Variants in VWC2L observed in about 807,000 individuals in gnomAD.
VWC2L encodes von Willebrand factor C domain containing 2 like.
VWC2L carries 10 observed loss-of-function variants against 21.6 expected under a neutral mutation model. The observed-to-expected ratio is 0.46, with a 90% CI of 0.29 to 0.78. The LOEUF (loss-of-function observed/expected upper bound fraction) is 0.78, where lower values mean the gene tolerates loss of function less well. Ranked by LOEUF, VWC2L falls within the 30% of genes least tolerant of loss-of-function variation. VWC2L has a pLI of 0.10. For missense variants in VWC2L, 209 were observed against 277.1 expected (o/e 0.75, Z 1.74); for synonymous variants, 96 against 94.3 (o/e 1.02, Z -0.10).
At chr2:214,480,431 GCTCT>G (rs1280559039) in intron 3 of VWC2L, among the ~76,000 whole-genome samples, 1 of 152,158 alleles carries the variant, frequency 6.6e-6, no homozygotes, top group African/African-American at 2.4e-5. Flanking sequence ...ATTCAGAATG[GCTCT>G]CTAATTGTAA....
At chr2:214,497,558 T>C (rs772372218) in intron 3 of VWC2L, among the ~76,000 whole-genome samples, 1 of 152,248 alleles carries the variant, frequency 6.6e-6, no homozygotes, top group Non-Finnish European at 1.5e-5. Flanking sequence ...ATTTATTCAC[T>C]GTCTTCTAAT....
chr2:214,563,546 C>CAAAAAAAAAAAAAAAAAAA lies in VWC2L; in HGVS notation c.521-12109_521-12091dup, dbSNP rs55864016. ...TGGGTGACACAGCAAGACTCCGTCT[C>CAAAAAAAAAAAAAAAAAAA]AAAAAAAAAAAAAAAAAAAAAAAAA... On this transcript the variant is annotated intron_variant, in intron 3 of 3. Transcript: ENST00000312504. Among the ~76,000 whole-genome samples the CAAAAAAAAAAAAAAAAAAA allele has an allele frequency of 1.3e-3, 128 of 95,834 alleles. 4 individuals are homozygous for CAAAAAAAAAAAAAAAAAAA. Among genetic ancestry groups the CAAAAAAAAAAAAAAAAAAA allele is most frequent in the Middle Eastern group, 6.0e-3 (1 of 166 alleles). The allele number at this position is 95,834 out of a possible 152,430, so 62.9% of individuals were successfully genotyped here. A position where few individuals can be genotyped will look rare whatever the true frequency, so the allele number is the denominator to read the frequency against.
rs567914784 is a variant in VWC2L at position 214,467,377 on chromosome 2, G to A, written c.520+30619G>A. Among the ~76,000 whole-genome samples, 4 of 140,458 alleles carry A rather than the reference G, an allele frequency of 2.8e-5. No individual in the cohort carries two copies. In the East Asian group the frequency reaches 5.8e-4, roughly 20 times the overall value. The allele number at this position is 140,458 out of a possible 152,430, so 92.1% of individuals were successfully genotyped here. A position where few individuals can be genotyped will look rare whatever the true frequency, so the allele number is the denominator to read the frequency against. ...CTCAATCCTCACTCAAGCTGCCTTG[G>A]TCTTTCTGAAATCTTAGCCCTGTTT... On this transcript the variant is annotated intron_variant, in intron 3 of 3. Transcript: ENST00000312504.
chr2:214,425,480 A>G (rs939254781), intron 2 of VWC2L, among the ~76,000 whole-genome samples: 1 of 152,208 alleles, frequency 6.6e-6, no homozygotes, highest in Non-Finnish European at 1.5e-5. Flanking sequence ...ATAATTTTCC[A>G]TTCACTGAAA....
chr2:214,496,948 T>C (rs1381470145), intron 3 of VWC2L, among the ~76,000 whole-genome samples: 1 of 152,206 alleles, frequency 6.6e-6, no homozygotes, highest in Admixed American at 6.5e-5. Flanking sequence ...GTCCTTTCAC[T>C]CTTTGCTGCA....
intron 3 of VWC2L, among the ~76,000 whole-genome samples, chr2:214,569,975 T>G (rs904552259): frequency 7.5e-6 from 1 of 132,642 alleles, no homozygotes; most frequent in Non-Finnish European, 1.5e-5. Context: ...TTTCAGGGCT[T>G]ACCAGGAAAA....
At chr2:214,420,774 G>A (rs1702426548) in intron 2 of VWC2L, among the ~76,000 whole-genome samples, 1 of 152,122 alleles carries the variant, frequency 6.6e-6, no homozygotes. Context: ...AAGATAATTG[G>A]GGATCTTTGT....
chr2:214,531,194 G>C (rs921082864), intron 3 of VWC2L, among the ~76,000 whole-genome samples: 1 of 152,106 alleles, frequency 6.6e-6, no homozygotes, highest in Middle Eastern at 3.2e-3. Flanking sequence ...GGAATCACAG[G>C]AAACAGGAAA....
intron 3 of VWC2L, among the ~76,000 whole-genome samples, chr2:214,555,210 A>G (rs541630796): frequency 6.6e-6 from 1 of 152,352 alleles, no homozygotes; most frequent in South Asian, 2.1e-4. Flanking sequence ...ATGACCTGGA[A>G]GACCCTTCTC....
At chr2:214,517,954 C>T (rs1689171243) in intron 3 of VWC2L, among the ~76,000 whole-genome samples, 2 of 152,178 alleles carry the variant, frequency 1.3e-5, no homozygotes, top group Non-Finnish European at 2.9e-5. Context: ...ATCACGAGGT[C>T]AGGAGATCGA....
At chr2:214,569,143 G>A (rs1047435170) in intron 3 of VWC2L, among the ~76,000 whole-genome samples, 3 of 152,200 alleles carry the variant, frequency 2.0e-5, no homozygotes, top group African/African-American at 7.2e-5. Flanking sequence ...AGAAAGGAAT[G>A]TGTTTTCATT....
intron 3 of VWC2L, among the ~76,000 whole-genome samples, chr2:214,452,349 G>T (rs768900416): frequency 3.9e-5 from 6 of 152,080 alleles, no homozygotes; most frequent in South Asian, 4.1e-4. Flanking sequence ...TTTTTGCCAT[G>T]TTGCCCAGGC....
intron 3 of VWC2L, among the ~76,000 whole-genome samples, chr2:214,452,560 G>C (rs376647211): frequency 2.6e-5 from 4 of 152,046 alleles, no homozygotes; most frequent in Non-Finnish European, 4.4e-5. Flanking sequence ...AAAGCTGCTA[G>C]AACTAAACAG....
intron 3 of VWC2L, among the ~76,000 whole-genome samples, chr2:214,560,054 TAAAAC>T (rs1689942175): frequency 6.6e-6 from 1 of 152,250 alleles, no homozygotes; most frequent in South Asian, 2.1e-4. Flanking sequence ...TATTATGATT[TAAAAC>T]AAACTAGCCT....
chr2:214,524,136 A>C (rs983319754), intron 3 of VWC2L, among the ~76,000 whole-genome samples: 1 of 152,154 alleles, frequency 6.6e-6, no homozygotes, highest in Non-Finnish European at 1.5e-5. Flanking sequence ...TTTTTCAAAG[A>C]GGCAAATTAC....
intron 2 of VWC2L, among the ~76,000 whole-genome samples, chr2:214,424,502 TTCTC>T (rs1702493155): frequency 6.6e-6 from 1 of 152,186 alleles, no homozygotes; most frequent in Admixed American, 6.5e-5. Flanking sequence ...CTTCACCTCT[TTCTC>T]TATGTACACA....
At chr2:214,471,418 G>T (rs1048379723) in intron 3 of VWC2L, among the ~76,000 whole-genome samples, 2 of 152,184 alleles carry the variant, frequency 1.3e-5, no homozygotes, top group African/African-American at 2.4e-5. Flanking sequence ...TGAGTAGGTT[G>T]AATGAGATTA....
intron 3 of VWC2L, among the ~76,000 whole-genome samples, chr2:214,466,660 C>T (rs1341567408): frequency 6.6e-6 from 1 of 152,160 alleles, no homozygotes; most frequent in African/African-American, 2.4e-5. Context: ...TTTTCTATAG[C>T]TTCTACTATT....
intron 3 of VWC2L, among the ~76,000 whole-genome samples, chr2:214,482,536 TAC>T (rs58784551): frequency 0.034 from 5,049 of 148,572 alleles, 266 homozygotes; most frequent in African/African-American, 0.12. Context: ...TCTATATATA[TAC>T]ACACACACAC....
Sources: gnomAD v4.1 joint callset for allele counts (sites outside exome capture counted in the v4.1 genomes callset) on GRCh38, gnomAD v4.1.1 for gene constraint, MANE v1.5 for transcripts, NCBI Gene and HGNC (gene_info 2026-07-23, HGNC 2026-07-21) for gene names.